The following GRB10 variants were observed in gnomAD, a reference collection of about 807,000 sequenced individuals.
The protein encoded by GRB10 is growth factor receptor bound protein 10.
A neutral mutation model predicts 80.9 loss-of-function variants in GRB10; 20 were observed. The ratio of observed to expected loss-of-function variants is 0.25; its 90% CI spans 0.17 to 0.36. GRB10 has a LOEUF of 0.36. Ranked by LOEUF, GRB10 falls within the 10% of genes least tolerant of loss-of-function variation. The pLI is 1.00. For synonymous variants in GRB10, 291 were observed against 291.5 expected (o/e 1.00, Z 0.02); for missense variants, 548 against 747.7 (o/e 0.73, Z 3.12).
At position 50,648,467 on chromosome 7, in the gene GRB10, A is replaced by T. The variant is rs371838182; in HGVS notation, c.504+21255T>A. Among the ~76,000 whole-genome samples, 3 of 152,352 alleles carry T rather than the reference A, an allele frequency of 2.0e-5. No individual in the cohort carries two copies. In the South Asian group the frequency reaches 6.2e-4, roughly 32 times the overall value. ...AGGAAAATGATAATCTTCTGAAAGC[A>T]GTAATTTTAACCACTGCCTTAATCT... On this transcript the variant is annotated intron_variant, in intron 7 of 18. Coordinates refer to ENST00000401949, the MANE Select transcript of GRB10 (RefSeq NM_001350814.2).
chr7:50,629,202 C>T (rs929186382), intron 7 of GRB10, among the ~76,000 whole-genome samples: 1 of 152,172 alleles, frequency 6.6e-6, no homozygotes, highest in Non-Finnish European at 1.5e-5. Context: ...TGTCTCATCT[C>T]TCTCCAAGTC....
chr7:50,751,976 G>A (rs2074180970), intron 3 of GRB10, among the ~76,000 whole-genome samples: 1 of 152,132 alleles, frequency 6.6e-6, no homozygotes, highest in Non-Finnish European at 1.5e-5. Context: ...TCTGTTTAAA[G>A]ACACTTTACT....
intron 7 of GRB10, among the ~76,000 whole-genome samples, chr7:50,639,860 TA>T (rs370792700): frequency 6.6e-6 from 1 of 152,202 alleles, no homozygotes; most frequent in Admixed American, 6.5e-5. Context: ...GCCATTTTTT[TA>T]AACTTTTCTA....
intron 3 of GRB10, among the ~76,000 whole-genome samples, chr7:50,748,276 C>T (rs553386350): frequency 5.0e-4 from 76 of 152,322 alleles, no homozygotes; most frequent in African/African-American, 1.6e-3. Flanking sequence ...TGGCCCATGA[C>T]GGAGTAGCCA....
chr7:50,619,065 A>G, intron 9 of GRB10, 105 bp downstream of exon 9: 1 of 733,318 alleles, frequency 1.4e-6, no homozygotes. Context: ...CCCATATGCT[A>G]CACCATGCCT....
intron 7 of GRB10, among the ~76,000 whole-genome samples, chr7:50,628,124 C>T (rs565642761): frequency 6.6e-6 from 1 of 152,342 alleles, no homozygotes; most frequent in African/African-American, 2.4e-5. Context: ...AACCCCCGCT[C>T]AATGCTTTCC....
intron 10 of GRB10, among the ~76,000 whole-genome samples, chr7:50,617,591 G>C (rs2050882766): frequency 6.6e-6 from 1 of 152,080 alleles, no homozygotes; most frequent in African/African-American, 2.4e-5. Context: ...ATTAAAGCAG[G>C]TTTCTTTATT....
At position 50,590,854 on chromosome 7, in the gene GRB10, G is replaced by C. The variant is rs909297901; in HGVS notation, c.*2098C>G. On this transcript the variant is annotated 3_prime_UTR_variant, in exon 19 of 19. Coordinates refer to ENST00000401949, the MANE Select transcript of GRB10 (RefSeq NM_001350814.2). Reference sequence around the variant, plus strand: ...CAGCTACATACAAAACTGTGAATCAGAGTCAAGCTTTTGTTCTCCTTTTAA... The same window carrying C: ...CAGCTACATACAAAACTGTGAATCACAGTCAAGCTTTTGTTCTCCTTTTAA... The C allele has an allele frequency of 2.6e-5, 4 of 152,202 alleles. No homozygotes were observed. Among genetic ancestry groups the C allele is most frequent in the Non-Finnish European group, 4.4e-5 (3 of 68,026 alleles). 9.4% of individuals were successfully genotyped at this position (152,202 alleles called of 1,614,324 possible). A position where few individuals can be genotyped will look rare whatever the true frequency, so the allele number is the denominator to read the frequency against.
At chr7:50,732,511 AC>A in intron 3 of GRB10, 143 bp from the exon 4 acceptor site, 1 of 639,106 alleles carries the variant, frequency 1.6e-6, no homozygotes, top group Admixed American at 2.6e-5. Context: ...TGCTCGGGGC[AC>A]CAGCTTTTTG....
chr7:50,697,109 T>C (rs180982327), intron 5 of GRB10, among the ~76,000 whole-genome samples: 1 of 152,186 alleles, frequency 6.6e-6, no homozygotes, highest in East Asian at 1.9e-4. Context: ...AACAGGCAAA[T>C]CAAGTGACAG....
intron 17 of GRB10, among the ~76,000 whole-genome samples, chr7:50,597,159 T>C (rs941825013): frequency 2.0e-5 from 3 of 152,224 alleles, no homozygotes; most frequent in Admixed American, 2.0e-4. Context: ...TATGTGAATA[T>C]TCATGGTAAC....
intron 1 of GRB10, chr7:50,792,629 A>T: frequency 2.5e-6 from 1 of 397,068 alleles, no homozygotes. Context: ...AGCGGCGGCT[A>T]ACGGGTCACC....
exon 1 of GRB10, chr7:50,793,391 C>G (rs2079017020): frequency 6.7e-6 from 1 of 148,988 alleles, no homozygotes; most frequent in East Asian, 2.0e-4. Context: ...ACTTTGGGCT[C>G]CACCGGGTCT....
At chr7:50,710,476 C>T (rs2065720643) in intron 4 of GRB10, among the ~76,000 whole-genome samples, 1 of 152,194 alleles carries the variant, frequency 6.6e-6, no homozygotes, top group Non-Finnish European at 1.5e-5. Context: ...ACCAACTAAA[C>T]ACTACAAGAT....
intron 2 of GRB10, among the ~76,000 whole-genome samples, chr7:50,756,838 C>T (rs1304218240): frequency 2.0e-5 from 3 of 152,148 alleles, no homozygotes; most frequent in Non-Finnish European, 4.4e-5. Flanking sequence ...CATTGGAATG[C>T]CACTGGATTC....
intron 4 of GRB10, among the ~76,000 whole-genome samples, chr7:50,723,906 G>A (rs2068161276): frequency 6.6e-6 from 1 of 152,192 alleles, no homozygotes; most frequent in Non-Finnish European, 1.5e-5. Flanking sequence ...AGCTACAGAG[G>A]GACCCACAGG....
chr7:50,646,062 T>C (rs1307701608), intron 7 of GRB10, among the ~76,000 whole-genome samples: 1 of 152,228 alleles, frequency 6.6e-6, no homozygotes, highest in Non-Finnish European at 1.5e-5. Context: ...TCCATCTGTC[T>C]ATCCATCCAC....
chr7:50,610,855 C>T (rs564063530), intron 13 of GRB10, among the ~76,000 whole-genome samples: 2 of 152,216 alleles, frequency 1.3e-5, no homozygotes, highest in African/African-American at 4.8e-5. Context: ...TCCTGTGGCT[C>T]GTTATGTTAG....
intron 13 of GRB10, among the ~76,000 whole-genome samples, chr7:50,610,218 C>T (rs768784199): frequency 2.2e-4 from 33 of 152,168 alleles, no homozygotes; most frequent in Admixed American, 3.3e-4. Context: ...AGTTACCTCC[C>T]CACTGTCCCT....
Sources: gnomAD v4.1 joint callset for allele counts (sites outside exome capture counted in the v4.1 genomes callset) on GRCh38, gnomAD v4.1.1 for gene constraint, MANE v1.5 for transcripts, NCBI Gene and HGNC (gene_info 2026-07-23, HGNC 2026-07-21) for gene names.